Variants in CTNNA2 observed in about 807,000 individuals in gnomAD.
CTNNA2 encodes the protein catenin alpha 2.
CTNNA2 carries 42 observed loss-of-function variants against 101.0 expected under a neutral mutation model. The ratio of observed to expected loss-of-function variants is 0.42; its 90% confidence interval spans 0.32 to 0.54. The LOEUF is 0.54. CTNNA2 is among the 20% of genes least tolerant of loss of function. CTNNA2 has a pLI of 0.14. For synonymous variants in CTNNA2, 450 were observed against 456.4 expected, an observed-to-expected ratio of 0.99 and a Z score of 0.18; for missense variants, 871 against 1,223.1, an observed-to-expected ratio of 0.71 and a Z score of 4.29.
chr2:79,620,025 CA>C (rs576816531), intron 1 of CTNNA2, among the ~76,000 whole-genome samples: 288 of 151,678 alleles, frequency 1.9e-3, no homozygotes, highest in African/African-American at 6.7e-3. Flanking sequence ...ATTAAGCAAA[CA>C]AAAAAAATGA....
intron 7 of CTNNA2, among the ~76,000 whole-genome samples, chr2:80,307,160 G>A (rs895724564): frequency 6.6e-6 from 1 of 151,044 alleles, no homozygotes; most frequent in African/African-American, 2.4e-5. Context: ...CTCTAATGTG[G>A]CAAGTTTGCA....
intron 7 of CTNNA2, among the ~76,000 whole-genome samples, chr2:80,333,400 A>G (rs910747442): frequency 4.6e-5 from 7 of 152,134 alleles, no homozygotes; most frequent in African/African-American, 1.7e-4. Context: ...GCTCTAGAGT[A>G]CTTATAGTTT....
chr2:79,518,766 A>G (rs958962099), intron 1 of CTNNA2, among the ~76,000 whole-genome samples: 1 of 152,172 alleles, frequency 6.6e-6, no homozygotes, highest in African/African-American at 2.4e-5. Flanking sequence ...CTTTATAAAG[A>G]GCTAATTGTA....
intron 3 of CTNNA2, among the ~76,000 whole-genome samples, chr2:79,361,009 G>T (rs1446408190): frequency 6.6e-6 from 1 of 152,036 alleles, no homozygotes; most frequent in Non-Finnish European, 1.5e-5. Flanking sequence ...GGAGGTCAAG[G>T]GTTTTAAGCA....
Position 80,279,399 on chromosome 2 carries a change from G to A in CTNNA2, c.1057-113812G>A, listed in dbSNP as rs146751415. On this transcript the variant is annotated intron_variant, in intron 7 of 18. Coordinates refer to ENST00000402739, the MANE Select transcript of CTNNA2 (RefSeq NM_001282597.3). Reference sequence around the variant, plus strand: ...GGATTGGTACTGGCCTGGACACAGCGTCTAGTGCTGCCACTATGATTTTCC... The same window carrying A: ...GGATTGGTACTGGCCTGGACACAGCATCTAGTGCTGCCACTATGATTTTCC... Among the ~76,000 whole-genome samples, 866 of 152,242 alleles carry A rather than the reference G, an allele frequency of 5.7e-3. 2 individuals carry two copies. Among genetic ancestry groups the A allele is most frequent in the Admixed American group, 9.5e-3 (146 of 15,292 alleles).
At chr2:79,298,385 A>C (rs1278487983) in intron 2 of CTNNA2, among the ~76,000 whole-genome samples, 1 of 152,166 alleles carries the variant, frequency 6.6e-6, no homozygotes, top group Non-Finnish European at 1.5e-5. Flanking sequence ...ACCTCCCACC[A>C]GGTCCACCTC....
At chr2:80,276,213 A>G (rs1219333125) in intron 7 of CTNNA2, among the ~76,000 whole-genome samples, 1 of 152,228 alleles carries the variant, frequency 6.6e-6, no homozygotes, top group Non-Finnish European at 1.5e-5. Context: ...ATTCAGAACT[A>G]TTGAGTAGTT....
chr2:79,367,509 G>A (rs757316315), intron 3 of CTNNA2, among the ~76,000 whole-genome samples: 1 of 152,160 alleles, frequency 6.6e-6, no homozygotes, highest in Non-Finnish European at 1.5e-5. Context: ...AATGGGTAGA[G>A]AAGTAGGAGA....
At chr2:80,349,094 G>A (rs867236589) in intron 7 of CTNNA2, among the ~76,000 whole-genome samples, 3 of 152,172 alleles carry the variant, frequency 2.0e-5, no homozygotes, top group Middle Eastern at 3.2e-3. Context: ...ACTTAACAAA[G>A]CAGTGACTTT....
chr2:79,892,638 GAGAC>G (rs1257296222), intron 6 of CTNNA2, among the ~76,000 whole-genome samples: 1 of 152,178 alleles, frequency 6.6e-6, no homozygotes, highest in African/African-American at 2.4e-5. Context: ...GAAAGAGAAA[GAGAC>G]AGGCAGACAA....
intron 3 of CTNNA2, among the ~76,000 whole-genome samples, chr2:79,333,852 A>G (rs951373386): frequency 6.6e-6 from 1 of 152,114 alleles, no homozygotes; most frequent in East Asian, 1.9e-4. Flanking sequence ...GAGATGATCT[A>G]TTTTTTAACG....
intron 13 of CTNNA2, among the ~76,000 whole-genome samples, chr2:80,580,492 C>A (rs959795506): frequency 1.3e-5 from 2 of 152,146 alleles, no homozygotes; most frequent in Non-Finnish European, 2.9e-5. Context: ...GTGTTTAGAT[C>A]TAACTTCTGG....
chr2:79,779,421 G>T (rs139543377), intron 3 of CTNNA2, among the ~76,000 whole-genome samples: 165 of 152,266 alleles, frequency 1.1e-3, no homozygotes, highest in African/African-American at 3.8e-3. Context: ...GGTGCGGATG[G>T]CCTGAGGTGA....
At chr2:80,322,687 G>A (rs1437370367) in intron 7 of CTNNA2, among the ~76,000 whole-genome samples, 1 of 152,118 alleles carries the variant, frequency 6.6e-6, no homozygotes, top group African/African-American at 2.4e-5. Context: ...GTGGGGAGAT[G>A]GGTGCCAGTG....
At chr2:79,202,732 C>CTTTGTTTGTTTG (rs34378966) in intron 2 of CTNNA2, among the ~76,000 whole-genome samples, 24,741 of 151,120 alleles carry the variant, frequency 0.16, 2,266 homozygotes, top group African/African-American at 0.19. Context: ...TTCTACGTTT[C>CTTTGTTTGTTTG]TTTGTTTGTT....
intron 7 of CTNNA2, among the ~76,000 whole-genome samples, chr2:79,992,953 A>G (rs1430203222): frequency 6.6e-6 from 1 of 152,160 alleles, no homozygotes; most frequent in Non-Finnish European, 1.5e-5. Context: ...TCCTGGCTAA[A>G]TTGTAAAATT....
chr2:79,895,691 A>ATTTTTTTTTTTTTTTTTTTTTTTTTTT (rs757762487), intron 6 of CTNNA2, among the ~76,000 whole-genome samples: 1 of 107,764 alleles, frequency 9.3e-6, no homozygotes, highest in Non-Finnish European at 1.8e-5. Flanking sequence ...GAAATTTCTT[A>ATTTTTTTTTTTTTTTTTTTTTTTTTTT]ATTTTTTTTT....
At chr2:80,285,985 TA>T (rs1404407255) in intron 7 of CTNNA2, among the ~76,000 whole-genome samples, 1 of 152,180 alleles carries the variant, frequency 6.6e-6, no homozygotes. Context: ...TCAATTTCCA[TA>T]AAGATTTTCT....
chr2:80,432,250 C>T (rs758859888), intron 9 of CTNNA2, among the ~76,000 whole-genome samples: 22 of 152,082 alleles, frequency 1.4e-4, no homozygotes, highest in Non-Finnish European at 2.2e-4. Context: ...CCAGTATGTG[C>T]GAGTATGTGT....
Sources: gnomAD v4.1 joint callset for allele counts (sites outside exome capture counted in the v4.1 genomes callset) on GRCh38, gnomAD v4.1.1 for gene constraint, MANE v1.5 for transcripts, NCBI Gene and HGNC (gene_info 2026-07-23, HGNC 2026-07-21) for gene names.